The following NPFFR2 variants were observed in gnomAD, a reference collection of about 807,000 sequenced individuals.
The protein encoded by NPFFR2 is G-protein coupled receptor 74.
NPFFR2 carries 15 observed loss-of-function variants against 13.1 expected under a neutral mutation model. The observed-to-expected ratio is 1.15, with a 90% CI of 0.77 to 1.76. The LOEUF (loss-of-function observed/expected upper bound fraction) is 1.76. Among genes scored for constraint, NPFFR2 ranks in the 40% most tolerant of loss-of-function variants. The pLI, the probability that NPFFR2 is intolerant of heterozygous loss-of-function variation, is 0.00. For synonymous variants in NPFFR2, 190 were observed against 175.7 expected (o/e 1.08, Z -0.65); for missense variants, 572 against 503.5 (o/e 1.14, Z -1.30).
At chr4:72,106,859 T>C (rs1376826569) in intron 1 of NPFFR2, among the ~76,000 whole-genome samples, 2 of 151,968 alleles carry the variant, frequency 1.3e-5, no homozygotes, top group Non-Finnish European at 2.9e-5. Context: ...TCCATCCAAA[T>C]TTCACCCAAA....
Position 72,147,857 on chromosome 4 carries a change from T to A in NPFFR2, c.*45T>A. The A allele has an allele frequency of 1.5e-6, 2 of 1,331,178 alleles. No individual in the cohort carries two copies. The highest frequency in any genetic ancestry group is 2.0e-6 in the Non-Finnish European group (2 of 988,636). The allele number at this position is 1,331,178 out of a possible 1,614,324, so 82.5% of individuals were successfully genotyped here. On this transcript the variant is annotated 3_prime_UTR_variant, in exon 4 of 4. Transcript: ENST00000308744. ...CCTAACTCTACTACGCATTATATATTTAAATCCATTGCTTTTTGTGGCTTT... is the reference window on the plus strand; with the variant it reads ...CCTAACTCTACTACGCATTATATATATAAATCCATTGCTTTTTGTGGCTTT...
chr4:72,122,532 C>A (rs1316885339), intron 1 of NPFFR2, among the ~76,000 whole-genome samples: 3 of 152,132 alleles, frequency 2.0e-5, no homozygotes, highest in Non-Finnish European at 4.4e-5. Flanking sequence ...TGCAAAAGAA[C>A]AGAAATCATA....
At chr4:72,141,750 G>A (rs1342189179) in intron 3 of NPFFR2, among the ~76,000 whole-genome samples, 3 of 152,148 alleles carry the variant, frequency 2.0e-5, no homozygotes, top group Admixed American at 6.6e-5. Flanking sequence ...ATTTGGGGTG[G>A]AGAGTTCGGT....
chr4:72,088,457 C>CAT (rs1006918481), intron 1 of NPFFR2, among the ~76,000 whole-genome samples: 28 of 151,904 alleles, frequency 1.8e-4, no homozygotes, highest in African/African-American at 4.8e-4. Flanking sequence ...ATAGAATATA[C>CAT]ATATATATAT....
At chr4:72,125,417 A>G (rs557881144) in intron 1 of NPFFR2, among the ~76,000 whole-genome samples, 1 of 152,330 alleles carries the variant, frequency 6.6e-6, no homozygotes, top group Admixed American at 6.5e-5. Context: ...GATCTCAGGT[A>G]ATACTACAAA....
At chr4:72,077,143 C>T (rs535944196) in intron 1 of NPFFR2, among the ~76,000 whole-genome samples, 1 of 151,858 alleles carries the variant, frequency 6.6e-6, no homozygotes, top group South Asian at 2.1e-4. Flanking sequence ...CATTTTCTAC[C>T]TCTATCTTCA....
intron 1 of NPFFR2, among the ~76,000 whole-genome samples, chr4:72,036,548 T>C (rs971526330): frequency 1.4e-5 from 2 of 147,852 alleles, no homozygotes; most frequent in African/African-American, 4.9e-5. Context: ...AAATATATAG[T>C]ATATATAATG....
intron 1 of NPFFR2, among the ~76,000 whole-genome samples, chr4:72,057,243 G>C (rs997427073): frequency 4.0e-5 from 6 of 151,870 alleles, no homozygotes; most frequent in African/African-American, 1.5e-4. Flanking sequence ...GGCTAAAACT[G>C]GTGGGTGCAG....
chr4:72,092,829 T>C (rs554449554), intron 1 of NPFFR2, among the ~76,000 whole-genome samples: 178 of 152,210 alleles, frequency 1.2e-3, no homozygotes, highest in Non-Finnish European at 2.3e-3. Context: ...ATTTAGGCCA[T>C]TTACATTCAA....
intron 1 of NPFFR2, among the ~76,000 whole-genome samples, chr4:72,115,201 A>G (rs1169083290): frequency 1.3e-5 from 2 of 152,118 alleles, no homozygotes; most frequent in Non-Finnish European, 2.9e-5. Flanking sequence ...TTACTCATGG[A>G]TGTATTTATT....
chr4:72,144,017 C>G (rs537346284), intron 3 of NPFFR2, among the ~76,000 whole-genome samples: 1 of 152,236 alleles, frequency 6.6e-6, no homozygotes, highest in African/African-American at 2.4e-5. Flanking sequence ...CCAAATCAAA[C>G]CACTTAGTGA....
intron 2 of NPFFR2, among the ~76,000 whole-genome samples, chr4:72,130,451 G>T (rs1207846547): frequency 6.6e-6 from 1 of 152,100 alleles, no homozygotes; most frequent in African/African-American, 2.4e-5. Context: ...AGTTTACATT[G>T]TAAAGCTTAG....
chr4:72,138,647 A>G (rs1722498135), intron 3 of NPFFR2, among the ~76,000 whole-genome samples: 1 of 152,092 alleles, frequency 6.6e-6, no homozygotes, highest in South Asian at 2.1e-4. Context: ...CAATTTTCTT[A>G]ATCCAGTATA....
At chr4:72,078,688 A>G (rs1720512361) in intron 1 of NPFFR2, among the ~76,000 whole-genome samples, 1 of 152,166 alleles carries the variant, frequency 6.6e-6, no homozygotes, top group Non-Finnish European at 1.5e-5. Flanking sequence ...TAAAAAAGCA[A>G]TGTGGTATTG....
Position 72,048,489 on chromosome 4 carries a change from C to T in NPFFR2, c.-8+16289C>T, listed in dbSNP as rs1259009031. Among the ~76,000 whole-genome samples, 11 of 152,164 alleles carry T rather than the reference C, an allele frequency of 7.2e-5. No individual in the cohort carries two copies. The East Asian group carries it at 2.1e-3, about 29-fold the overall frequency. On this transcript the variant is annotated intron_variant, in intron 1 of 3. Coordinates refer to ENST00000308744, the MANE Select transcript of NPFFR2 (RefSeq NM_004885.3). ...GTTAATTTGGCCAATTCACAATATA[C>T]ATATATGCCTGTGTAAAATTGTAGA...
At chr4:72,108,845 G>A (rs79153870) in intron 1 of NPFFR2, among the ~76,000 whole-genome samples, 2,717 of 152,048 alleles carry the variant, frequency 0.018, 88 homozygotes, top group African/African-American at 0.062. Flanking sequence ...ACAATGCAAT[G>A]TTTATAAGGT....
rs571918802 is a variant in NPFFR2 at position 72,042,621 on chromosome 4, G to T, written c.-8+10421G>T. On this transcript the variant is annotated intron_variant, in intron 1 of 3. Coordinates refer to ENST00000308744, the MANE Select transcript of NPFFR2 (RefSeq NM_004885.3). ...AATCTGAGATTGAGATGAGGAACTT[G>T]TTGGGAACTGGAGCAAAGGTAACTC... Among the ~76,000 whole-genome samples, 37 of 152,264 alleles carry T rather than the reference G, an allele frequency of 2.4e-4. No homozygotes were observed. The South Asian group carries it at 5.6e-3, about 23-fold the overall frequency.
chr4:72,147,102 C>T lies in NPFFR2; in HGVS notation c.553C>T (p.Gln185Ter). 1 of 1,614,004 alleles carries T rather than the reference C, an allele frequency of 6.2e-7. No homozygotes were observed. Among genetic ancestry groups the T allele is most frequent in the South Asian group, 1.1e-5 (1 of 91,072 alleles). Residue 185 changes from glutamine (Q) to a stop codon, truncating the protein, a stop_gained, in exon 4 of 4, where the codon CAA (glutamine) becomes TAA (stop). Coordinates refer to ENST00000308744, the MANE Select transcript of NPFFR2 (RefSeq NM_004885.3). LOFTEE classifies it low-confidence loss of function (END_TRUNC). ...TCCATCTGCAGTAATGTTACATGTG[C>T]AAGAAGAAAAATATTACCGAGTGAG... ...MSPSAVMLHV[Q>*]EEKYYRVRLN...
At chr4:72,115,689 T>C (rs925102451) in intron 1 of NPFFR2, among the ~76,000 whole-genome samples, 1 of 152,128 alleles carries the variant, frequency 6.6e-6, no homozygotes, top group Non-Finnish European at 1.5e-5. Context: ...CTTAGATGAG[T>C]TTTAACCTAG....
Sources: gnomAD v4.1 joint callset for allele counts (sites outside exome capture counted in the v4.1 genomes callset) on GRCh38, gnomAD v4.1.1 for gene constraint, MANE v1.5 for transcripts, NCBI Gene and HGNC (gene_info 2026-07-23, HGNC 2026-07-21) for gene names.